The following FRMD5 variants were observed in gnomAD, a reference collection of about 807,000 sequenced individuals.
FRMD5 encodes the protein FERM domain containing 5.
In FRMD5, 20 loss-of-function variants were observed where a neutral mutation model predicts 69.0. The ratio of observed to expected loss-of-function variants is 0.29; its 90% CI spans 0.20 to 0.42. The LOEUF (loss-of-function observed/expected upper bound fraction) is 0.42, where lower values mean the gene tolerates loss of function less well. Ranked by LOEUF, FRMD5 falls within the 10% of genes least tolerant of loss-of-function variation. FRMD5 has a pLI of 1.00. For synonymous variants in FRMD5, 271 were observed against 260.1 expected, an observed-to-expected ratio of 1.04 and a Z score of -0.40; for missense variants, 595 against 708.6, an observed-to-expected ratio of 0.84 and a Z score of 1.82.
intron 1 of FRMD5, among the ~76,000 whole-genome samples, chr15:44,110,954 A>T (rs2076787798): frequency 6.6e-6 from 1 of 152,198 alleles, no homozygotes; most frequent in Admixed American, 6.5e-5. Context: ...AAAGACTCGG[A>T]TATCTCTCCC....
chr15:44,175,566 A>G (rs940362186), intron 1 of FRMD5, among the ~76,000 whole-genome samples: 7 of 148,364 alleles, frequency 4.7e-5, no homozygotes, highest in African/African-American at 1.9e-4. Context: ...AGTTTCTTAT[A>G]AAGGTAAACA....
intron 1 of FRMD5, among the ~76,000 whole-genome samples, chr15:43,940,005 T>C (rs1490522232): frequency 6.6e-6 from 1 of 152,130 alleles, no homozygotes; most frequent in Non-Finnish European, 1.5e-5. Context: ...GGTGAAACCC[T>C]GTGTCTACTA....
intron 1 of FRMD5, among the ~76,000 whole-genome samples, chr15:44,072,725 T>A (rs1893593179): frequency 6.6e-6 from 1 of 152,192 alleles, no homozygotes; most frequent in Non-Finnish European, 1.5e-5. Flanking sequence ...GGATTATGAT[T>A]CTAGATGGCA....
chr15:44,146,763 T>C (rs569825472), intron 1 of FRMD5, among the ~76,000 whole-genome samples: 28 of 152,344 alleles, frequency 1.8e-4, no homozygotes, highest in Admixed American at 1.6e-3. Flanking sequence ...TGAGCTTTTT[T>C]TCATATGTTT....
intron 1 of FRMD5, among the ~76,000 whole-genome samples, chr15:44,151,977 C>A (rs890534654): frequency 6.6e-6 from 1 of 152,146 alleles, no homozygotes; most frequent in African/African-American, 2.4e-5. Context: ...TAGGAGGCCG[C>A]GGTGGGCAGG....
intron 1 of FRMD5, among the ~76,000 whole-genome samples, chr15:44,017,305 T>C (rs1164802441): frequency 1.3e-5 from 2 of 151,400 alleles, no homozygotes; most frequent in Admixed American, 1.3e-4. Context: ...GCCACTGCAG[T>C]CTGGCCTGGG....
chr15:44,052,436 C>G (rs1892708033), intron 1 of FRMD5, among the ~76,000 whole-genome samples: 1 of 152,140 alleles, frequency 6.6e-6, no homozygotes, highest in Non-Finnish European at 1.5e-5. Flanking sequence ...TCTAAGGATC[C>G]TTCATTCCTT....
intron 1 of FRMD5, among the ~76,000 whole-genome samples, chr15:44,109,012 AAAT>A: frequency 6.7e-6 from 1 of 148,566 alleles, no homozygotes; most frequent in Non-Finnish European, 1.5e-5. Context: ...AAATAAAATA[AAAT>A]AAAATGTTTG....
Position 43,872,424 on chromosome 15 carries a change from C to T in FRMD5, c.*1461G>A, listed in dbSNP as rs537060404. On this transcript the variant is annotated 3_prime_UTR_variant, in exon 14 of 14. Transcript: ENST00000417257. Reference sequence around the variant, plus strand: ...GTCCATTGACCACCCTTAAATAAGCCCTCAAGCCCCAGATGACTTAGAAAT... The same window carrying T: ...GTCCATTGACCACCCTTAAATAAGCTCTCAAGCCCCAGATGACTTAGAAAT... The T allele has an allele frequency of 1.3e-5, 2 of 152,076 alleles. No individual in the cohort carries two copies. The highest frequency in any genetic ancestry group is 2.9e-5 in the Non-Finnish European group (2 of 68,044). 9.4% of individuals were successfully genotyped at this position (152,076 alleles called of 1,614,324 possible).
chr15:43,893,936 G>T (rs2088855802), intron 7 of FRMD5, among the ~76,000 whole-genome samples: 2 of 152,216 alleles, frequency 1.3e-5, no homozygotes, highest in South Asian at 4.1e-4. Flanking sequence ...CTAAGTGTAT[G>T]TTTGGCAAAC....
chr15:43,907,700 G>C (rs2089206370), intron 5 of FRMD5, among the ~76,000 whole-genome samples: 1 of 152,174 alleles, frequency 6.6e-6, no homozygotes, highest in South Asian at 2.1e-4. Flanking sequence ...GAGAGACGGG[G>C]TTTCACCATG....
At chr15:43,982,887 A>C (rs1482951727) in intron 1 of FRMD5, among the ~76,000 whole-genome samples, 1 of 152,216 alleles carries the variant, frequency 6.6e-6, no homozygotes, top group Non-Finnish European at 1.5e-5. Context: ...GTTGGAAAGA[A>C]AAAACTAGGT....
chr15:44,106,383 C>T (rs1434091974), intron 1 of FRMD5, among the ~76,000 whole-genome samples: 1 of 152,158 alleles, frequency 6.6e-6, no homozygotes, highest in Non-Finnish European at 1.5e-5. Flanking sequence ...TATCTCCAGC[C>T]TCATTGCCAC....
chr15:44,181,901 TCAAAA>T (rs899248698), intron 1 of FRMD5, among the ~76,000 whole-genome samples: 1 of 151,992 alleles, frequency 6.6e-6, no homozygotes, highest in Non-Finnish European at 1.5e-5. Context: ...AGACCGTGTC[TCAAAA>T]CAAAACAAAA....
intron 1 of FRMD5, among the ~76,000 whole-genome samples, chr15:44,013,633 A>T (rs1890823905): frequency 6.6e-6 from 1 of 152,210 alleles, no homozygotes; most frequent in South Asian, 2.1e-4. Flanking sequence ...TATGTTCTGA[A>T]TTCCAGCTTG....
At chr15:44,178,692 C>T (rs1256758514) in intron 1 of FRMD5, among the ~76,000 whole-genome samples, 2 of 152,086 alleles carry the variant, frequency 1.3e-5, no homozygotes, top group Non-Finnish European at 2.9e-5. Flanking sequence ...AGATTTGAGT[C>T]TTAAGAAATA....
intron 7 of FRMD5, among the ~76,000 whole-genome samples, chr15:43,896,923 AC>A (rs2088922846): frequency 6.6e-6 from 1 of 152,202 alleles, no homozygotes; most frequent in Non-Finnish European, 1.5e-5. Context: ...CATGAAAATC[AC>A]CCAGTTTGAA....
chr15:43,983,162 C>T (rs1011947124), intron 1 of FRMD5, among the ~76,000 whole-genome samples: 3 of 152,116 alleles, frequency 2.0e-5, no homozygotes, highest in Non-Finnish European at 4.4e-5. Flanking sequence ...AACTCCTGAC[C>T]TCAAGTGATC....
chr15:44,086,901 G>A (rs2140466139), intron 1 of FRMD5, among the ~76,000 whole-genome samples: 1 of 152,170 alleles, frequency 6.6e-6, no homozygotes, highest in Admixed American at 6.5e-5. Flanking sequence ...AAATAAAGCA[G>A]TACTATGGAA....
Sources: gnomAD v4.1 joint callset for allele counts (sites outside exome capture counted in the v4.1 genomes callset) on GRCh38, gnomAD v4.1.1 for gene constraint, MANE v1.5 for transcripts, NCBI Gene and HGNC (gene_info 2026-07-23, HGNC 2026-07-21) for gene names.